The following ITGAV variants were observed in gnomAD, a reference collection of about 807,000 sequenced individuals.
The protein encoded by ITGAV is integrin alpha-V.
Under a neutral mutation model 143.8 loss-of-function variants are expected in ITGAV, and 76 were observed. The observed-to-expected ratio is 0.53, with a 90% CI of 0.44 to 0.64. ITGAV has a LOEUF of 0.64. Among genes scored for constraint, ITGAV ranks in the 30% least tolerant of loss-of-function variants. ITGAV has a pLI of 0.00. For missense variants in ITGAV, 1,193 were observed against 1,274.7 expected (o/e 0.94, Z 0.98); for synonymous variants, 453 against 446.7 (o/e 1.01, Z -0.18).
At chr2:186,639,273 C>G (rs1688038729) in intron 10 of ITGAV, among the ~76,000 whole-genome samples, 1 of 152,116 alleles carries the variant, frequency 6.6e-6, no homozygotes, top group Non-Finnish European at 1.5e-5. Flanking sequence ...AGAGAAAAAT[C>G]TTTCTCAAAG....
chr2:186,635,312 C>T (rs1482214412), intron 6 of ITGAV, among the ~76,000 whole-genome samples: 1 of 152,048 alleles, frequency 6.6e-6, no homozygotes, highest in African/African-American at 2.4e-5. Flanking sequence ...AATGAATTTT[C>T]CTCTGTTCTT....
At chr2:186,643,549 T>C (rs1688166815) in intron 12 of ITGAV, among the ~76,000 whole-genome samples, 1 of 152,192 alleles carries the variant, frequency 6.6e-6, no homozygotes, top group Non-Finnish European at 1.5e-5. Flanking sequence ...ATGAAGACAT[T>C]AAGTGTCATT....
chr2:186,673,719 G>C (rs1447612740), intron 26 of ITGAV, among the ~76,000 whole-genome samples: 1 of 151,992 alleles, frequency 6.6e-6, no homozygotes, highest in Admixed American at 6.6e-5. Context: ...CCAGGCTGGA[G>C]TGCAATGGTG....
In ITGAV at chr2:186,664,610, C is replaced by T. The variant is rs1688836516; in HGVS notation, c.2042C>T (p.Ala681Val). 1 of 1,614,054 alleles carries T rather than the reference C, an allele frequency of 6.2e-7. No homozygotes were observed. Among genetic ancestry groups the T allele is most frequent in the East Asian group, 2.2e-5 (1 of 44,870 alleles). Residue 681 changes from alanine to valine, a missense_variant, in exon 20 of 30, where the codon GCT (alanine) becomes GTT (valine). Ala to Val is a moderately conservative substitution (Grantham distance 64). Transcript: ENST00000261023. Reference protein sequence around the residue: ...AELIVSIPLQADFIGVVRNNE... With the variant: ...AELIVSIPLQVDFIGVVRNNE... ...CTCATCGTTTCCATTCCACTGCAGG[C>T]TGATTTCATCGGGGTTGTCCGAAAC...
At position 186,637,102 on chromosome 2, in the gene ITGAV, C is replaced by T. The variant is rs1687965017; in HGVS notation, c.795C>T (p.Gly265=). The T allele has an allele frequency of 6.2e-7, 1 of 1,611,174 alleles. No homozygotes were observed. The highest frequency in any genetic ancestry group is 8.5e-7 in the Non-Finnish European group (1 of 1,177,450). The change falls in exon 8 of 30, where the codon GGC becomes GGT. Residue 265 remains glycine, a synonymous_variant. Transcript: ENST00000261023. ...CTGTCGGAGATTTCAATGGTGATGG[C>T]ATAGATGGTATGAAGTACTTGAACT... The part of the protein sequence containing the change: ...SVAVGDFNGD[G]IDDFVSGVPR...
At chr2:186,627,034 C>T (rs116662430) in intron 4 of ITGAV, among the ~76,000 whole-genome samples, 1 of 152,240 alleles carries the variant, frequency 6.6e-6, no homozygotes, top group Non-Finnish European at 1.5e-5. Context: ...ATATGATGTA[C>T]ACACACACGC....
At chr2:186,646,965 A>G (rs1032717640) in intron 13 of ITGAV, 88 bp downstream of exon 13, 7 of 878,870 alleles carry the variant, frequency 8.0e-6, no homozygotes, top group African/African-American at 1.7e-5. Flanking sequence ...TATGTTATAA[A>G]TTATTGCAAT....
At chr2:186,605,031 A>C (rs192232509) in intron 2 of ITGAV, among the ~76,000 whole-genome samples, 1 of 152,296 alleles carries the variant, frequency 6.6e-6, no homozygotes, top group African/African-American at 2.4e-5. Flanking sequence ...GAGATGGCAC[A>C]CTTAAATTGA....
chr2:186,597,859 G>A (rs1269482917), intron 1 of ITGAV, among the ~76,000 whole-genome samples: 2 of 152,148 alleles, frequency 1.3e-5, no homozygotes, highest in Non-Finnish European at 2.9e-5. Flanking sequence ...CTAATACCTG[G>A]TGATCCGAGT....
intron 2 of ITGAV, among the ~76,000 whole-genome samples, chr2:186,612,926 AT>A (rs1339252990): frequency 6.6e-6 from 1 of 152,232 alleles, no homozygotes; most frequent in Non-Finnish European, 1.5e-5. Flanking sequence ...ATAATCTGTT[AT>A]CCCCTGTTAC....
At chr2:186,597,533 A>G (rs1686778777) in intron 1 of ITGAV, among the ~76,000 whole-genome samples, 1 of 152,204 alleles carries the variant, frequency 6.6e-6, no homozygotes, top group African/African-American at 2.4e-5. Flanking sequence ...GCAAAAGATG[A>G]ATTAGAGTAC....
chr2:186,638,971 A>G (rs756965201), intron 10 of ITGAV, among the ~76,000 whole-genome samples: 2 of 151,578 alleles, frequency 1.3e-5, no homozygotes, highest in Non-Finnish European at 2.9e-5. Flanking sequence ...TCTTTACTGA[A>G]AAGAAAAAAG....
chr2:186,594,268 G>A (rs1484202708), intron 1 of ITGAV, among the ~76,000 whole-genome samples: 4 of 152,186 alleles, frequency 2.6e-5, no homozygotes, highest in Non-Finnish European at 5.9e-5. Flanking sequence ...AGAGATGTTA[G>A]TTGCACCTCT....
intron 1 of ITGAV, among the ~76,000 whole-genome samples, chr2:186,590,967 C>G (rs757512159): frequency 1.3e-5 from 2 of 151,472 alleles, no homozygotes; most frequent in African/African-American, 2.4e-5. Context: ...TTTTCAGTCT[C>G]CCTAAACAAG....
chr2:186,623,371 T>C lies in ITGAV; in HGVS notation c.408+941T>C, dbSNP rs148216480. Among the ~76,000 whole-genome samples the C allele has an allele frequency of 3.3e-3, 507 of 152,280 alleles. 2 individuals are homozygous for C. The highest frequency in any genetic ancestry group is 0.012 in the African/African-American group (481 of 41,562). On this transcript the variant is annotated intron_variant, in intron 3 of 29. Coordinates refer to ENST00000261023, the MANE Select transcript of ITGAV (RefSeq NM_002210.5). ...ATCCCTTTTTTTTTTAGAACTAAAT[T>C]TTTCTTCTCTTGGTTTCTGTGAACT...
At chr2:186,602,223 AT>A in intron 2 of ITGAV, 72 bp downstream of exon 2, 1 of 1,325,190 alleles carries the variant, frequency 7.5e-7, no homozygotes, top group South Asian at 1.3e-5. Context: ...TTTAGTTTAA[AT>A]GTAGCCATTT....
In ITGAV at chr2:186,665,100, T is replaced by G. The variant is rs753396710; in HGVS notation, c.2074-26T>G. 10 of 1,085,368 alleles carry G rather than the reference T, an allele frequency of 9.2e-6. No individual in the cohort carries two copies. In the East Asian group the frequency reaches 1.2e-4, roughly 13 times the overall value. 67.2% of individuals were successfully genotyped at this position (1,085,368 alleles called of 1,614,324 possible). ...ACTTTATTTCCTTTCATATCCATTT[T>G]TTTTTTTTTTTTTGGTCTATCAAAG... On this transcript the variant is annotated intron_variant, in intron 20 of 29. Coordinates refer to ENST00000261023, the MANE Select transcript of ITGAV (RefSeq NM_002210.5).
intron 4 of ITGAV, among the ~76,000 whole-genome samples, chr2:186,626,880 A>G (rs757167529): frequency 3.0e-4 from 46 of 152,268 alleles, no homozygotes; most frequent in Non-Finnish European, 3.2e-4. Context: ...TGGTACTGTC[A>G]TCTTCGGTGG....
At chr2:186,670,555 C>G (rs758403006) in intron 26 of ITGAV, among the ~76,000 whole-genome samples, 2 of 152,172 alleles carry the variant, frequency 1.3e-5, no homozygotes, top group Non-Finnish European at 2.9e-5. Context: ...CCCACCTCAG[C>G]CTCCTAAAGT....
Sources: allele counts gnomAD v4.1 joint callset (sites outside exome capture counted in the v4.1 genomes callset), GRCh38; gene constraint gnomAD v4.1.1; transcripts MANE v1.5; gene names NCBI Gene and HGNC (gene_info 2026-07-23, HGNC 2026-07-21).